IQGAP3: variants seen among roughly 807,000 people sequenced by gnomAD.
IQGAP3 encodes the protein ras GTPase-activating-like protein IQGAP3.
In IQGAP3, 165 loss-of-function variants were observed where a neutral mutation model predicts 208.2. The ratio of observed to expected loss-of-function variants is 0.79; its 90% CI spans 0.70 to 0.90. IQGAP3 has a LOEUF of 0.90. IQGAP3 is among the 40% of genes least tolerant of loss of function. The pLI is 0.00. For missense variants in IQGAP3, 1,811 were observed against 2,043.1 expected (o/e 0.89, Z 2.19); for synonymous variants, 703 against 803.6 (o/e 0.87, Z 2.12).
At chr1:156,549,006 T>C (rs1286343656) in intron 16 of IQGAP3, among the ~76,000 whole-genome samples, 1 of 152,162 alleles carries the variant, frequency 6.6e-6, no homozygotes, top group African/African-American at 2.4e-5. Flanking sequence ...GAGTTGGGGC[T>C]TGATAAAAGG....
intron 10 of IQGAP3, among the ~76,000 whole-genome samples, chr1:156,561,619 A>G (rs569991161): frequency 6.6e-6 from 1 of 152,342 alleles, no homozygotes; most frequent in Admixed American, 6.5e-5. Context: ...ATTACTGCCT[A>G]TGGGACTGTC....
Position 156,537,377 on chromosome 1 carries a change from C to A in IQGAP3, c.3282-56G>T, listed in dbSNP as rs1279632673. The A allele has an allele frequency of 1.1e-5, 17 of 1,522,498 alleles. No homozygotes were observed. In the South Asian group the frequency reaches 2.0e-4, roughly 18 times the overall value. 94.3% of individuals were successfully genotyped at this position (1,522,498 alleles called of 1,614,324 possible). A position where few individuals can be genotyped will look rare whatever the true frequency, so the allele number is the denominator to read the frequency against. ...GGAGCCCCCTCCAATGGCCTCCTTCCCCAAGGCCCTATTCCTTAAACGCTT... is the reference window on the plus strand; with the variant it reads ...GGAGCCCCCTCCAATGGCCTCCTTCACCAAGGCCCTATTCCTTAAACGCTT... On this transcript the variant is annotated intron_variant, in intron 26 of 37. Coordinates refer to ENST00000361170, the MANE Select transcript of IQGAP3 (RefSeq NM_178229.5).
chr1:156,532,900 G>A, intron 32 of IQGAP3, 80 bp downstream of exon 32: 1 of 1,503,276 alleles, frequency 6.7e-7, no homozygotes, highest in Admixed American at 1.8e-5. Flanking sequence ...GGTGGAATGG[G>A]CGCCTCAGAA....
At position 156,528,946 on chromosome 1, in the gene IQGAP3, GC is replaced by G. The variant is rs2102349422; in HGVS notation, c.4540del (p.Ala1514ProfsTer64). On this transcript the variant is annotated frameshift_variant, in exon 35 of 38. Transcript: ENST00000361170. LOFTEE classifies it high-confidence loss of function. ...QGDYYSQYIR[A>X]CLDHLAPDSK... ...GTCGGGGGCCAGGTGGTCCAGGCAG[GC>G]CCGGATGTACTGGCTGTAGTAGTCA... 3 of 1,614,206 alleles carry G rather than the reference GC, an allele frequency of 1.9e-6. No homozygotes were observed. The East Asian group carries it at 6.7e-5, about 36-fold the overall frequency.
intron 5 of IQGAP3, among the ~76,000 whole-genome samples, 192 bp downstream of exon 5, chr1:156,564,420 ACAG>A (rs1676307854): frequency 2.0e-5 from 3 of 152,246 alleles, no homozygotes; most frequent in Admixed American, 6.5e-5. Context: ...CTTCACCCAC[ACAG>A]GCCATACATA....
At chr1:156,555,791 C>T (rs1362499224) in intron 12 of IQGAP3, among the ~76,000 whole-genome samples, 1 of 152,208 alleles carries the variant, frequency 6.6e-6, no homozygotes, top group East Asian at 1.9e-4. Flanking sequence ...TGAACTCACG[C>T]AGCCTGGCTC....
intron 24 of IQGAP3, 41 bp downstream of exon 24, chr1:156,539,797 G>A (rs774055541): frequency 6.2e-7 from 1 of 1,608,930 alleles, no homozygotes; most frequent in Non-Finnish European, 8.5e-7. Flanking sequence ...CAGACCCTCA[G>A]GAGACGGGAG....
intron 19 of IQGAP3, among the ~76,000 whole-genome samples, chr1:156,545,912 C>A (rs1416862149): frequency 6.6e-6 from 1 of 152,176 alleles, no homozygotes; most frequent in Non-Finnish European, 1.5e-5. Flanking sequence ...TCCTTTCATT[C>A]AGTTGCCCTT....
At chr1:156,570,588 G>C (rs1676603888) in intron 1 of IQGAP3, among the ~76,000 whole-genome samples, 1 of 152,158 alleles carries the variant, frequency 6.6e-6, no homozygotes, top group African/African-American at 2.4e-5. Flanking sequence ...GTGCAGCCTT[G>C]ACCTCCTGGG....
intron 27 of IQGAP3, 46 bp from the exon 28 acceptor site, chr1:156,535,293 T>C: frequency 7.4e-7 from 1 of 1,346,056 alleles, no homozygotes; most frequent in Non-Finnish European, 1.0e-6. Context: ...TCTGCCCATC[T>C]CTCTCTGCCA....
Position 156,551,775 on chromosome 1 carries a change from T to C in IQGAP3, c.1664A>G (p.Asp555Gly). Reference protein sequence around the residue: ...SALLLPAAGLDDVSLPVAPRY... With the variant: ...SALLLPAAGLGDVSLPVAPRY... ...AGGGGCGACAGGGAGGCTGACATCA[T>C]CTAGGCCAGCTGCAGGAAGCAGTAG... is the stretch of plus-strand genomic sequence containing the variant. Residue 555 changes from aspartate to glycine, a missense_variant, in exon 15 of 38, where the codon GAT (aspartate) becomes GGT (glycine). Asp to Gly is a moderately conservative substitution (Grantham distance 94). Transcript: ENST00000361170. The C allele has an allele frequency of 1.2e-6, 2 of 1,614,026 alleles. No homozygotes were observed. Among genetic ancestry groups the C allele is most frequent in the East Asian group, 2.2e-5 (1 of 44,876 alleles).
rs754736572 is a variant in IQGAP3, at chr1:156,544,235, AAC to A, written c.2389-14_2389-13del. ...GCCCAGGCCTGGATCTGGGAGAAGA[AAC>A]ACACTGCCTCAGCTCCAGCTTGGGG... On this transcript the variant is annotated splice_polypyrimidine_tract_variant and intron_variant, in intron 20 of 37. Coordinates refer to ENST00000361170, the MANE Select transcript of IQGAP3 (RefSeq NM_178229.5). 3.7e-6 allele frequency: 6 copies of A among 1,614,006 alleles called. No individual in the cohort carries two copies. Among genetic ancestry groups the A allele is most frequent in the South Asian group, 2.2e-5 (2 of 91,070 alleles).
At chr1:156,571,796 G>A (rs1237996300) in intron 1 of IQGAP3, among the ~76,000 whole-genome samples, 1 of 152,200 alleles carries the variant, frequency 6.6e-6, no homozygotes, top group Non-Finnish European at 1.5e-5. Flanking sequence ...AGGGAGTGGT[G>A]GAAGGAGCAG....
chr1:156,551,644 T>C, intron 15 of IQGAP3, 61 bp downstream of exon 15: 1 of 1,525,600 alleles, frequency 6.6e-7, no homozygotes. Flanking sequence ...CTGGGTACAG[T>C]GCAACCCACA....
At position 156,533,250 on chromosome 1, in the gene IQGAP3, G is replaced by A. The variant is rs1054090801; in HGVS notation, c.3977-144C>T. 5 of 1,052,170 alleles carry A rather than the reference G, an allele frequency of 4.8e-6. No homozygotes were observed. The Admixed American group carries it at 6.1e-5, about 13-fold the overall frequency. 65.2% of individuals were successfully genotyped at this position (1,052,170 alleles called of 1,614,324 possible). On this transcript the variant is annotated intron_variant, in intron 31 of 37. Coordinates refer to ENST00000361170, the MANE Select transcript of IQGAP3 (RefSeq NM_178229.5). ...TCTTCCAGGAAGTTTTCCCACACTG[G>A]CCTGCAGAACTACCCTGTGTCCCCA... is the stretch of plus-strand genomic sequence containing the variant.
At chr1:156,531,366 TAAG>T (rs1674393527) in intron 32 of IQGAP3, 119 bp from the exon 33 acceptor site, 1 of 757,668 alleles carries the variant, frequency 1.3e-6, no homozygotes, top group East Asian at 2.6e-5. Context: ...TGCTAGGATA[TAAG>T]GAGAGAGAGC....
At chr1:156,551,600 G>T in intron 15 of IQGAP3, 105 bp downstream of exon 15, 2 of 1,203,910 alleles carry the variant, frequency 1.7e-6, no homozygotes, top group Non-Finnish European at 2.3e-6. Context: ...CCACCCAGAA[G>T]CCATTGTGTC....
At chr1:156,569,665 C>G (rs1036096545) in intron 1 of IQGAP3, among the ~76,000 whole-genome samples, 1 of 151,470 alleles carries the variant, frequency 6.6e-6, no homozygotes, top group Non-Finnish European at 1.5e-5. Flanking sequence ...ACTACAGGCG[C>G]CCGCCACCAC....
chr1:156,551,980 T>C lies in IQGAP3; in HGVS notation c.1564A>G (p.Thr522Ala), dbSNP rs1278209402. The C allele has an allele frequency of 1.2e-6, 2 of 1,613,876 alleles. No homozygotes were observed. The highest frequency in any genetic ancestry group is 1.1e-5 in the South Asian group (1 of 91,042). ...SQVNAQTQEETDRVLAVSLIN... is the reference protein window; with the variant it reads ...SQVNAQTQEEADRVLAVSLIN... ...AGCTCCAGACTATACTTACGGTCAG[T>C]CTCTTCCTGGGTCTGTGCATTGACC... Residue 522 changes from threonine to alanine, a missense_variant, in exon 14 of 38, where the codon ACT becomes GCT. Coordinates refer to ENST00000361170, the MANE Select transcript of IQGAP3 (RefSeq NM_178229.5).
Sources: gnomAD v4.1 joint callset for allele counts (sites outside exome capture counted in the v4.1 genomes callset) on GRCh38, gnomAD v4.1.1 for gene constraint, MANE v1.5 for transcripts, NCBI Gene and HGNC (gene_info 2026-07-23, HGNC 2026-07-21) for gene names.